HOGA1: variants seen among roughly 807,000 people sequenced by gnomAD.
The protein encoded by HOGA1 is 4-hydroxy-2-oxoglutarate aldolase 1, also known as 4-hydroxy-2-oxoglutarate aldolase, mitochondrial.
HOGA1 carries 30 observed loss-of-function variants against 34.3 expected under a neutral mutation model. That is an observed-to-expected ratio of 0.87 (90% confidence interval 0.65 to 1.19). The LOEUF is 1.19. Among genes scored for constraint, HOGA1 ranks in the 50% most tolerant of loss-of-function variants. The probability of loss-of-function intolerance (pLI) is 0.00; values close to 1 mark genes in which losing one functional copy is unlikely to be tolerated. For missense variants in HOGA1, 417 were observed against 436.5 expected (o/e 0.96, Z 0.40); for synonymous variants, 161 against 174.0 (o/e 0.93, Z 0.59).
At chr10:97,599,044 C>A in intron 2 of HOGA1, 45 bp from the exon 3 acceptor site, 1 of 1,609,678 alleles carries the variant, frequency 6.2e-7, no homozygotes. Flanking sequence ...TGTCCTGGTC[C>A]AGGCCTCCTT....
Position 97,611,848 on chromosome 10 carries a change from C to T in HOGA1, c.*189C>T. 1.6e-6 allele frequency: 1 copy of T among 619,564 alleles called. No homozygotes were observed. The highest frequency in any genetic ancestry group is 2.8e-6 in the Non-Finnish European group (1 of 354,866). The allele number at this position is 619,564 out of a possible 1,614,324, so 38.4% of individuals were successfully genotyped here. On this transcript the variant is annotated 3_prime_UTR_variant, in exon 7 of 7. Transcript: ENST00000370646. ...CCATGCATATCTCCTATTCTAACGG[C>T]CCCTGACCTCTCCCTTTTGGATCCT...
At chr10:97,600,249 G>C (rs2041106374) in intron 5 of HOGA1, 86 bp downstream of exon 5, 2 of 1,166,068 alleles carry the variant, frequency 1.7e-6, no homozygotes, top group African/African-American at 1.5e-5. Context: ...CGTGAGGGCT[G>C]GGGCTGGGTC....
At chr10:97,590,163 T>C in intron 1 of HOGA1, 1 of 1,614,086 alleles carries the variant, frequency 6.2e-7, no homozygotes, top group Non-Finnish European at 8.5e-7. Context: ...GGCTCCGCTC[T>C]GCACCGGGAA....
At position 97,599,179 on chromosome 10, in the gene HOGA1, G is replaced by A. The variant is rs1371902226; in HGVS notation, c.431G>A (p.Arg144His). 10 of 1,613,918 alleles carry A rather than the reference G, an allele frequency of 6.2e-6. No homozygotes were observed. The highest frequency in any genetic ancestry group is 2.2e-5 in the East Asian group (1 of 44,872). The stretch of plus-strand genomic sequence containing the variant: ...GTGACCCCTTGCTACTATCGTGGCC[G>A]CATGAGCAGTGCGGCCCTCATTCAC... ...MVVTPCYYRG[R>H]MSSAALIHHY... Residue 144 changes from arginine (R) to histidine (H), a missense_variant, in exon 3 of 7, where the codon CGC becomes CAC. By Grantham distance (29) the Arg-to-His change is conservative. Transcript: ENST00000370646.
Position 97,602,009 on chromosome 10 carries a change from G to A in HOGA1, c.834+19G>A, listed in dbSNP as rs2041122560. On this transcript the variant is annotated intron_variant, in intron 6 of 6. Transcript: ENST00000370646. Reference sequence around the variant, plus strand: ...CGCTGCGGTGAGCCAGTGGCAGCGGGGGCGCGGCCTGGCGGGGGGTGGGCA... The same window carrying A: ...CGCTGCGGTGAGCCAGTGGCAGCGGAGGCGCGGCCTGGCGGGGGGTGGGCA... 2 of 1,605,702 alleles carry A rather than the reference G, an allele frequency of 1.2e-6. No homozygotes were observed. The highest frequency in any genetic ancestry group is 3.4e-5 in the Admixed American group (2 of 58,714).
intron 1 of HOGA1, among the ~76,000 whole-genome samples, chr10:97,593,387 G>C (rs1255783244): frequency 6.6e-6 from 1 of 152,106 alleles, no homozygotes; most frequent in Non-Finnish European, 1.5e-5. Flanking sequence ...TGAGACAGAA[G>C]AATTGCTTGA....
In HOGA1 at chr10:97,600,438, A is replaced by C. The variant is rs189424938; in HGVS notation, c.700+275A>C. On this transcript the variant is annotated intron_variant, in intron 5 of 6. Coordinates refer to ENST00000370646, the MANE Select transcript of HOGA1 (RefSeq NM_138413.4). ...TTTGTTCTGAGTCCTGAGCTCCATG[A>C]TTAGATGACAAACTTAGCTGCTCTA... The C allele has an allele frequency of 1.1e-5, 6 of 524,174 alleles. No individual in the cohort carries two copies. The East Asian group carries it at 2.1e-4, about 18-fold the overall frequency. The allele number at this position is 524,174 out of a possible 1,614,324, so 32.5% of individuals were successfully genotyped here.
rs1169191059 is a variant in HOGA1 at position 97,593,029 on chromosome 10, C to CAAAAAA, written c.212-5729_212-5724dup. Among the ~76,000 whole-genome samples the CAAAAAA allele has an allele frequency of 3.1e-3, 150 of 47,768 alleles. 4 individuals are homozygous for CAAAAAA. Among genetic ancestry groups the CAAAAAA allele is most frequent in the Non-Finnish European group, 4.2e-3 (105 of 24,964 alleles). 31.3% of individuals were successfully genotyped at this position (47,768 alleles called of 152,430 possible). A position where few individuals can be genotyped will look rare whatever the true frequency, so the allele number is the denominator to read the frequency against. On this transcript the variant is annotated intron_variant, in intron 1 of 6. Transcript: ENST00000370646. ...TGGGCGACAGAGTGAGACTCTGTCT[C>CAAAAAA]AAAAAAAAAAAAAAAAAAAAAAGAG...
chr10:97,602,667 CTCTTTCTCTCTTTCTT>C, intron 6 of HOGA1: 2 of 715,542 alleles, frequency 2.8e-6, no homozygotes, highest in Non-Finnish European at 3.3e-6. Flanking sequence ...GTCTTTCTTT[CTCTTTCTCTCTTTCTT>C]TCTTTCCTTC....
chr10:97,588,926 C>G (rs1191019049), intron 1 of HOGA1, among the ~76,000 whole-genome samples: 1 of 152,022 alleles, frequency 6.6e-6, no homozygotes, highest in African/African-American at 2.4e-5. Context: ...CCCTGAGAGG[C>G]CTTGGAGATT....
chr10:97,589,837 C>G (rs2041003515), intron 1 of HOGA1: 1 of 1,358,854 alleles, frequency 7.4e-7, no homozygotes. Flanking sequence ...TGGAGCTCAT[C>G]CAGCAGCCAT....
chr10:97,605,194 A>C (rs2041147789), intron 6 of HOGA1, among the ~76,000 whole-genome samples: 1 of 152,070 alleles, frequency 6.6e-6, no homozygotes, highest in Admixed American at 6.6e-5. Flanking sequence ...CGAATGCTTG[A>C]GCCCAGGAGT....
chr10:97,586,904 G>A (rs1163767395), intron 1 of HOGA1, among the ~76,000 whole-genome samples: 1 of 152,184 alleles, frequency 6.6e-6, no homozygotes, highest in Non-Finnish European at 1.5e-5. Context: ...GGGTGTGGTA[G>A]GAAGAGCCCA....
At chr10:97,589,784 C>T (rs2041002903) in intron 1 of HOGA1, 1 of 773,692 alleles carries the variant, frequency 1.3e-6, no homozygotes, top group Admixed American at 2.3e-5. Context: ...ACCCAGCGTG[C>T]TCTTAGCTCT....
rs185942797 is a variant in HOGA1 at position 97,601,827 on chromosome 10, G to A, written c.701-30G>A. The A allele has an allele frequency of 1.6e-5, 25 of 1,611,880 alleles. No homozygotes were observed. The African/African-American group carries it at 2.9e-4, about 19-fold the overall frequency. On this transcript the variant is annotated intron_variant, in intron 5 of 6. Transcript: ENST00000370646. ...GGGATGCCTGGAGGGGAGAGGCTCTGGCTGATGTTCTGCGTCTTACTTCGT... is the reference window on the plus strand; with the variant it reads ...GGGATGCCTGGAGGGGAGAGGCTCTAGCTGATGTTCTGCGTCTTACTTCGT...
chr10:97,602,157 C>T (rs2041124346), intron 6 of HOGA1, 167 bp downstream of exon 6: 2 of 1,549,148 alleles, frequency 1.3e-6, no homozygotes, highest in Non-Finnish European at 1.7e-6. Flanking sequence ...CCAGAAAATC[C>T]TGACTTCGGA....
chr10:97,611,856 C>T lies in HOGA1; in HGVS notation c.*197C>T, dbSNP rs182143249. The T allele has an allele frequency of 1.4e-4, 84 of 612,806 alleles. 3 individuals are homozygous for T. The Admixed American group carries it at 2.2e-3, about 16-fold the overall frequency. The allele number at this position is 612,806 out of a possible 1,614,324, so 38.0% of individuals were successfully genotyped here. ...ATCTCCTATTCTAACGGCCCCTGAC[C>T]TCTCCCTTTTGGATCCTAAACTGTG... On this transcript the variant is annotated 3_prime_UTR_variant, in exon 7 of 7. Transcript: ENST00000370646.
chr10:97,586,506 G>T (rs115899433), intron 1 of HOGA1, among the ~76,000 whole-genome samples: 1 of 152,220 alleles, frequency 6.6e-6, no homozygotes, highest in Non-Finnish European at 1.5e-5. Flanking sequence ...ACAACTGTTA[G>T]GTTTCTGCTG....
In HOGA1 at chr10:97,599,013, A is replaced by T. The variant is rs895659825; in HGVS notation, c.341-76A>T. 2.2e-5 allele frequency: 35 copies of T among 1,607,566 alleles called. No homozygotes were observed. In the Admixed American group the frequency reaches 4.3e-4, roughly 20 times the overall value. ...GTTCTGCCTCTTCTGGGACATGCTG[A>T]GGCACCTTCGCTTGGCCCAGTGTCC... is the stretch of plus-strand genomic sequence containing the variant. On this transcript the variant is annotated intron_variant, in intron 2 of 6. Coordinates refer to ENST00000370646, the MANE Select transcript of HOGA1 (RefSeq NM_138413.4).
Sources: gnomAD v4.1 joint callset for allele counts (sites outside exome capture counted in the v4.1 genomes callset) on GRCh38, gnomAD v4.1.1 for gene constraint, MANE v1.5 for transcripts, NCBI Gene and HGNC (gene_info 2026-07-23, HGNC 2026-07-21) for gene names.